The following MARS1 variants were observed in gnomAD, a reference collection of about 807,000 sequenced individuals.
MARS1 encodes the protein methionyl-tRNA synthetase 1, also known as methionine--tRNA ligase, cytoplasmic.
Under a neutral mutation model 119.5 loss-of-function variants are expected in MARS1, and 80 were observed. That is an observed-to-expected ratio of 0.67 (90% CI 0.56 to 0.81). The LOEUF is 0.81. MARS1 is among the 30% of genes least tolerant of loss of function. The pLI is 0.00. For synonymous variants in MARS1, 418 were observed against 433.4 expected, an observed-to-expected ratio of 0.96 and a Z score of 0.44; for missense variants, 945 against 1,116.5, an observed-to-expected ratio of 0.85 and a Z score of 2.19.
chr12:57,492,666 A>G (rs1004515821), intron 7 of MARS1, among the ~76,000 whole-genome samples: 1 of 123,520 alleles, frequency 8.1e-6, no homozygotes, highest in Admixed American at 8.4e-5. Context: ...GCGCGACTCC[A>G]TTTCACACAC....
intron 7 of MARS1, among the ~76,000 whole-genome samples, chr12:57,496,013 C>T (rs1299408783): frequency 1.3e-5 from 2 of 152,098 alleles, no homozygotes; most frequent in Admixed American, 6.5e-5. Flanking sequence ...CGTGGAAAGT[C>T]GGAGACAGGG....
In MARS1 at chr12:57,489,024, G is replaced by C. The variant is rs564742568; in HGVS notation, c.115G>C (p.Val39Leu). 1.2e-6 allele frequency: 2 copies of C among 1,609,054 alleles called. No individual in the cohort carries two copies. Among genetic ancestry groups the C allele is most frequent in the African/African-American group, 1.3e-5 (1 of 74,366 alleles). Residue 39 changes from valine (V) to leucine (L), a missense_variant, in exon 2 of 21, where the codon GTG becomes CTG. Coordinates refer to ENST00000262027, the MANE Select transcript of MARS1 (RefSeq NM_004990.4). ...LISTVGPEDCVVPFLTRPKVP... is the reference protein window; with the variant it reads ...LISTVGPEDCLVPFLTRPKVP... Reference sequence around the variant, plus strand: ...ATTTTCCATTCTTGCATCAGATTGTGTGGTCCCGTTCCTGACCCGGCCTAA... The same window carrying C: ...ATTTTCCATTCTTGCATCAGATTGTCTGGTCCCGTTCCTGACCCGGCCTAA...
rs1186837003 is a variant in MARS1, at chr12:57,512,294, C to T, written c.1694C>T (p.Pro565Leu). Reference protein sequence around the residue: ...DNVPFHSLVFPCSALGAEDNY... With the variant: ...DNVPFHSLVFLCSALGAEDNY... The stretch of plus-strand genomic sequence containing the variant: ...GTTCCTTTCCATAGCTTAGTCTTTC[C>T]TTGCTCAGCCCTAGGAGCTGAGGAT... Residue 565 changes from proline (P) to leucine (L), a missense_variant, in exon 14 of 21, where the codon CCT becomes CTT. By Grantham distance (98) the Pro-to-Leu change is moderately conservative (BLOSUM62 -3). Transcript: ENST00000262027. 1 of 1,614,136 alleles carries T rather than the reference C, an allele frequency of 6.2e-7. No homozygotes were observed. The highest frequency in any genetic ancestry group is 1.7e-5 in the Admixed American group (1 of 60,026).
intron 5 of MARS1, 41 bp from the exon 6 acceptor site, chr12:57,490,166 G>C: frequency 1.3e-6 from 2 of 1,593,446 alleles, no homozygotes; most frequent in South Asian, 1.1e-5. Flanking sequence ...TGCCTACCAG[G>C]TCCTTATGTT....
At chr12:57,512,178 T>G (rs1877555077) in intron 13 of MARS1, 58 bp from the exon 14 acceptor site, 1 of 1,599,288 alleles carries the variant, frequency 6.3e-7, no homozygotes. Flanking sequence ...GGGTGTCTGG[T>G]CTTCCTTGGG....
intron 7 of MARS1, 98 bp downstream of exon 7, chr12:57,490,742 C>CT: frequency 1.6e-6 from 1 of 627,312 alleles, no homozygotes. Flanking sequence ...GCTGATCTCT[C>CT]TTTAATTTTT....
Position 57,490,397 on chromosome 12 carries a change from G to A in MARS1, c.663+18G>A. 1 of 1,611,944 alleles carries A rather than the reference G, an allele frequency of 6.2e-7. No homozygotes were observed. Among genetic ancestry groups the A allele is most frequent in the Non-Finnish European group, 8.5e-7 (1 of 1,179,452 alleles). On this transcript the variant is annotated intron_variant, in intron 6 of 20. Transcript: ENST00000262027. Reference sequence around the variant, plus strand: ...AGCCTGAGGTTTGGAATAGGGCAGAGCCTTGGGGCCTGAGGTGGGAGGTGG... The same window carrying A: ...AGCCTGAGGTTTGGAATAGGGCAGAACCTTGGGGCCTGAGGTGGGAGGTGG...
chr12:57,494,797 C>T (rs1876503144), intron 7 of MARS1, among the ~76,000 whole-genome samples: 1 of 152,070 alleles, frequency 6.6e-6, no homozygotes, highest in Non-Finnish European at 1.5e-5. Context: ...GGACACAGCA[C>T]ATGTTTCAGA....
chr12:57,514,501 C>T (rs1237789020), intron 15 of MARS1, among the ~76,000 whole-genome samples: 1 of 152,110 alleles, frequency 6.6e-6, no homozygotes, highest in African/African-American at 2.4e-5. Context: ...AGTTGTTTAA[C>T]TTAATCAGGT....
At chr12:57,511,631 G>A (rs1877519801) in intron 11 of MARS1, 67 bp from the exon 12 acceptor site, 1 of 1,552,270 alleles carries the variant, frequency 6.4e-7, no homozygotes. Flanking sequence ...AAGGTTATAT[G>A]TGTTTATCCT....
intron 11 of MARS1, among the ~76,000 whole-genome samples, chr12:57,510,840 T>C (rs1275854763): frequency 6.6e-6 from 1 of 152,078 alleles, no homozygotes; most frequent in Non-Finnish European, 1.5e-5. Context: ...TTTGGGAGGC[T>C]GAGGCGGGAG....
At chr12:57,507,831 G>A (rs1877288917) in intron 11 of MARS1, among the ~76,000 whole-genome samples, 1 of 151,256 alleles carries the variant, frequency 6.6e-6, no homozygotes, top group South Asian at 2.1e-4. Flanking sequence ...GGACGGGGTG[G>A]CTGCCGGGCG....
Position 57,500,473 on chromosome 12 carries a change from G to C in MARS1, c.1244G>C (p.Gly415Ala). Residue 415 changes from glycine to alanine, a missense_variant, in exon 10 of 21, where the codon GGT becomes GCT. Transcript: ENST00000262027. ...CPFCGYEEAR[G>A]DQCDKCGKLI... Reference sequence around the variant, plus strand: ...TTCTGTGGCTATGAGGAGGCTCGGGGTGACCAGTGTGACAAGTGTGGCAAG... The same window carrying C: ...TTCTGTGGCTATGAGGAGGCTCGGGCTGACCAGTGTGACAAGTGTGGCAAG... 3 of 1,614,242 alleles carry C rather than the reference G, an allele frequency of 1.9e-6. No homozygotes were observed. Among genetic ancestry groups the C allele is most frequent in the Non-Finnish European group, 2.5e-6 (3 of 1,180,050 alleles).
intron 16 of MARS1, 44 bp downstream of exon 16, chr12:57,514,895 G>T: frequency 3.1e-6 from 5 of 1,613,282 alleles, no homozygotes; most frequent in Non-Finnish European, 4.2e-6. Context: ...CATGTTGAGA[G>T]CCTCCTTGTA....
chr12:57,500,509 C>A lies in MARS1; in HGVS notation c.1280C>A (p.Ala427Asp). 6.2e-7 allele frequency: 1 copy of A among 1,614,108 alleles called. No homozygotes were observed. Among genetic ancestry groups the A allele is most frequent in the Non-Finnish European group, 8.5e-7 (1 of 1,179,986 alleles). Residue 427 changes from alanine (A) to aspartate (D), a missense_variant, in exon 10 of 21, where the codon GCT becomes GAT. Physicochemically the swap from Ala to Asp is moderately radical, Grantham distance 126 (BLOSUM62 -2). Transcript: ENST00000262027. ...QCDKCGKLIN[A>D]VELKKPQCKV... ...GACAAGTGTGGCAAGCTCATCAATG[C>A]TGTCGAGCTTAAGGTAAGAGGAGGG...
At chr12:57,495,486 G>C (rs1451010737) in intron 7 of MARS1, among the ~76,000 whole-genome samples, 2 of 151,812 alleles carry the variant, frequency 1.3e-5, no homozygotes, top group African/African-American at 4.8e-5. Context: ...ACAGGTTGAC[G>C]GCGGGGAAGA....
At chr12:57,506,561 A>G (rs1405622944) in intron 11 of MARS1, among the ~76,000 whole-genome samples, 1 of 152,220 alleles carries the variant, frequency 6.6e-6, no homozygotes, top group East Asian at 1.9e-4. Flanking sequence ...GAGCCACGTG[A>G]TGGCCATCCC....
intron 7 of MARS1, 42 bp downstream of exon 7, chr12:57,490,686 G>A (rs1414021032): frequency 1.3e-6 from 2 of 1,570,532 alleles, no homozygotes; most frequent in Non-Finnish European, 1.7e-6. Context: ...TGATTTTGTA[G>A]TGGAAATTGT....
At chr12:57,488,252 G>C in intron 1 of MARS1, 53 bp downstream of exon 1, 1 of 1,528,086 alleles carries the variant, frequency 6.5e-7, no homozygotes, top group Non-Finnish European at 9.0e-7. Flanking sequence ...ACCGAAACAC[G>C]CCAGATTCTC....
Sources: gnomAD v4.1 joint callset for allele counts (sites outside exome capture counted in the v4.1 genomes callset) on GRCh38, gnomAD v4.1.1 for gene constraint, MANE v1.5 for transcripts, NCBI Gene and HGNC (gene_info 2026-07-23, HGNC 2026-07-21) for gene names.